SORCS2: variants seen among roughly 807,000 people sequenced by gnomAD.
The protein encoded by SORCS2 is sortilin related VPS10 domain containing receptor 2.
Under a neutral mutation model 141.6 loss-of-function variants are expected in SORCS2, and 100 were observed. The observed-to-expected ratio is 0.71, with a 90% CI of 0.60 to 0.83. SORCS2 has a LOEUF of 0.83. Among genes scored for constraint, SORCS2 ranks in the 40% least tolerant of loss-of-function variants. The probability of loss-of-function intolerance (pLI) is 0.00; values close to 1 mark genes in which losing one functional copy is unlikely to be tolerated. For missense variants in SORCS2, 1,646 were observed against 1,560.2 expected, an observed-to-expected ratio of 1.05 and a Z score of -0.93; for synonymous variants, 789 against 676.9, an observed-to-expected ratio of 1.17 and a Z score of -2.57.
chr4:7,662,434 G>A (rs1013879734), intron 6 of SORCS2, among the ~76,000 whole-genome samples: 3 of 152,140 alleles, frequency 2.0e-5, no homozygotes, highest in African/African-American at 7.2e-5. Context: ...CACCCTGCCA[G>A]CCACCTCTGC....
chr4:7,298,747 T>C (rs1327979082), intron 1 of SORCS2, among the ~76,000 whole-genome samples: 1 of 152,188 alleles, frequency 6.6e-6, no homozygotes, highest in Non-Finnish European at 1.5e-5. Flanking sequence ...ACCAAAGACC[T>C]GAGCAAACAT....
chr4:7,193,342 C>T lies in SORCS2; in HGVS notation c.480+216C>T, dbSNP rs1221185290. Among the ~76,000 whole-genome samples the T allele has an allele frequency of 1.3e-5, 2 of 152,328 alleles. No homozygotes were observed. Among genetic ancestry groups the T allele is most frequent in the East Asian group, 3.9e-4 (2 of 5,156 alleles). Reference sequence around the variant, plus strand: ...CCTCAGATTCGTACGCTTGTCTCACCGCAGGGGACATTCCCGCAGATTTCG... The same window carrying T: ...CCTCAGATTCGTACGCTTGTCTCACTGCAGGGGACATTCCCGCAGATTTCG... On this transcript the variant is annotated intron_variant, in intron 1 of 26. Transcript: ENST00000507866. This position sits in a 1 kb window ranked among gnomAD's most constrained non-coding sequence, Gnocchi z 4.8.
chr4:7,416,722 T>TCA (rs1423854675), intron 2 of SORCS2, among the ~76,000 whole-genome samples: 12 of 27,912 alleles, frequency 4.3e-4, no homozygotes, highest in East Asian at 3.8e-3. Flanking sequence ...GTGCACACAC[T>TCA]CAGACACACA....
intron 1 of SORCS2, among the ~76,000 whole-genome samples, chr4:7,246,926 G>A (rs549345973): frequency 6.6e-6 from 1 of 152,322 alleles, no homozygotes; most frequent in Admixed American, 6.5e-5. Context: ...CTCCGTCCAG[G>A]CTCTACCCGC....
intron 1 of SORCS2, among the ~76,000 whole-genome samples, chr4:7,369,074 A>G (rs1432781658): frequency 1.3e-5 from 2 of 152,182 alleles, no homozygotes; most frequent in Non-Finnish European, 2.9e-5. Context: ...TGGGAGGTCA[A>G]GGCGGGTGGA....
At chr4:7,595,602 C>T (rs1315814887) in intron 3 of SORCS2, among the ~76,000 whole-genome samples, 1 of 151,364 alleles carries the variant, frequency 6.6e-6, no homozygotes, top group African/African-American at 2.4e-5. Context: ...CTGGAGATTC[C>T]AAGGGTCCTA....
intron 2 of SORCS2, among the ~76,000 whole-genome samples, chr4:7,477,624 A>G (rs1730382841): frequency 2.0e-5 from 3 of 152,328 alleles, no homozygotes; most frequent in South Asian, 4.1e-4. Context: ...AGCAAAGCTC[A>G]GTGTCAAGAA....
chr4:7,541,017 A>C (rs952830641), intron 3 of SORCS2, among the ~76,000 whole-genome samples: 5 of 152,178 alleles, frequency 3.3e-5, no homozygotes, highest in Admixed American at 1.3e-4. Flanking sequence ...CTCAGACAGG[A>C]CCAAACTATC....
chr4:7,374,133 T>TTCTTTCCC lies in SORCS2; in HGVS notation c.481-22149_481-22148insCCTCTTTC, dbSNP rs1469602092. 4.2e-5 allele frequency among the ~76,000 whole-genome samples: 3 copies of TTCTTTCCC among 71,566 alleles called. No homozygotes were observed. The Admixed American group carries it at 4.7e-4, about 11-fold the overall frequency. The allele number at this position is 71,566 out of a possible 152,430, so 47.0% of individuals were successfully genotyped here. A position where few individuals can be genotyped will look rare whatever the true frequency, so the allele number is the denominator to read the frequency against. Reference sequence around the variant, plus strand: ...ATTCTTTCTTTCTTTCTTTCCCTCTTTCTTTCTTTCTTTCTTTCTTTCTTT... The same window carrying TTCTTTCCC: ...ATTCTTTCTTTCTTTCTTTCCCTCTTTCTTTCCCTCTTTCTTTCTTTCTTTCTTTCTTT... On this transcript the variant is annotated intron_variant, in intron 1 of 26. Transcript: ENST00000507866.
At chr4:7,662,215 TCCCCACCCTCCCCCCCCTCCCCCAC>T (rs1250578461) in intron 6 of SORCS2, among the ~76,000 whole-genome samples, 4 of 128,042 alleles carry the variant, frequency 3.1e-5, no homozygotes, top group African/African-American at 5.9e-5. Flanking sequence ...TAGGTGTGGC[TCCCCACCCTCCCCCCCCTCCCCCAC>T]CCCCACCCTG....
At chr4:7,405,709 C>G (rs1375804491) in intron 2 of SORCS2, among the ~76,000 whole-genome samples, 1 of 152,052 alleles carries the variant, frequency 6.6e-6, no homozygotes. Context: ...TGCAACTTTA[C>G]TAAATTCATT....
intron 2 of SORCS2, among the ~76,000 whole-genome samples, chr4:7,508,735 T>C (rs1732426570): frequency 1.3e-5 from 2 of 152,196 alleles, no homozygotes; most frequent in Non-Finnish European, 2.9e-5. Context: ...AAGCCACAGA[T>C]CTATTTTTGT....
rs570874077 is a variant in SORCS2, at chr4:7,309,134, G to T, written c.481-87154G>T. On this transcript the variant is annotated intron_variant, in intron 1 of 26. Coordinates refer to ENST00000507866, the MANE Select transcript of SORCS2 (RefSeq NM_020777.3). ...GTCAGGGTTGTCAGCACTTGGAAAG[G>T]TCTAAATCACCGGGCGCACGCTGGC... is the stretch of plus-strand genomic sequence containing the variant. 7.2e-5 allele frequency among the ~76,000 whole-genome samples: 11 copies of T among 152,328 alleles called. No individual in the cohort carries two copies. The East Asian group carries it at 1.5e-3, about 21-fold the overall frequency.
intron 2 of SORCS2, among the ~76,000 whole-genome samples, chr4:7,411,760 G>T (rs143204483): frequency 2.6e-5 from 4 of 152,162 alleles, no homozygotes; most frequent in African/African-American, 9.7e-5. Context: ...GTAATCTACC[G>T]TATGGTGGGG....
intron 2 of SORCS2, among the ~76,000 whole-genome samples, chr4:7,400,126 A>AC (rs1021860267): frequency 6.6e-6 from 1 of 151,534 alleles, no homozygotes; most frequent in Admixed American, 6.6e-5. Context: ...TACAAGCCAT[A>AC]CCCCCTGCAA....
At chr4:7,616,180 C>G (rs1398118212) in intron 3 of SORCS2, among the ~76,000 whole-genome samples, 1 of 152,120 alleles carries the variant, frequency 6.6e-6, no homozygotes, top group African/African-American at 2.4e-5. Context: ...AGCCCTACAT[C>G]TCATACCTAG....
intron 1 of SORCS2, among the ~76,000 whole-genome samples, chr4:7,202,082 C>G (rs1727512360): frequency 6.6e-6 from 1 of 150,656 alleles, no homozygotes; most frequent in African/African-American, 2.5e-5. Context: ...TGGGGAATGC[C>G]CTGTACCTCT....
chr4:7,734,163 T>C (rs1488294411), intron 24 of SORCS2, 109 bp from the exon 25 acceptor site: 4 of 410,762 alleles, frequency 9.7e-6, no homozygotes, highest in Non-Finnish European at 1.4e-5. Context: ...AAGCTGGGGA[T>C]GGGCGGGGGA....
rs578210006 is a variant in SORCS2, at chr4:7,328,854, G to A, written c.481-67434G>A. 2.4e-3 allele frequency among the ~76,000 whole-genome samples: 362 copies of A among 152,338 alleles called. 1 individual carries two copies. Among genetic ancestry groups the A allele is most frequent in the African/African-American group, 8.2e-3 (341 of 41,566 alleles). On this transcript the variant is annotated intron_variant, in intron 1 of 26. Transcript: ENST00000507866. ...CCATCTCTACCGTCCCTTCCGGCCT[G>A]AGGATGAGCATCCATGTCCAGCAGC... is the stretch of plus-strand genomic sequence containing the variant.
Sources: allele counts gnomAD v4.1 joint callset (sites outside exome capture counted in the v4.1 genomes callset), GRCh38; gene constraint gnomAD v4.1.1; non-coding constraint Gnocchi (gnomAD v3.1); transcripts MANE v1.5; gene names NCBI Gene and HGNC (gene_info 2026-07-23, HGNC 2026-07-21).